FGFR2: variants seen among roughly 807,000 people sequenced by gnomAD.
FGFR2 encodes the protein BEK fibroblast growth factor receptor.
FGFR2 carries 19 observed loss-of-function variants against 95.9 expected under a neutral mutation model. The observed-to-expected ratio is 0.20, with a 90% CI of 0.14 to 0.29. The LOEUF (loss-of-function observed/expected upper bound fraction) is 0.29. FGFR2 is among the 10% of genes least tolerant of loss of function. The probability of loss-of-function intolerance (pLI) is 1.00; values close to 1 mark genes in which losing one functional copy is unlikely to be tolerated. For synonymous variants in FGFR2, 392 were observed against 393.3 expected (o/e 1.00, Z 0.04); for missense variants, 707 against 1,056.9 (o/e 0.67, Z 4.59).
intron 2 of FGFR2, among the ~76,000 whole-genome samples, chr10:121,585,075 T>C (rs1590096796): frequency 6.6e-6 from 1 of 152,188 alleles, no homozygotes; most frequent in East Asian, 1.9e-4. Flanking sequence ...AACAGAAAAC[T>C]CTTTTGCCAA....
intron 4 of FGFR2, among the ~76,000 whole-genome samples, chr10:121,557,735 T>C (rs1856356822): frequency 6.6e-6 from 1 of 152,158 alleles, no homozygotes; most frequent in South Asian, 2.1e-4. Flanking sequence ...TCAACACAAC[T>C]AAGAAGCCTG....
intron 2 of FGFR2, among the ~76,000 whole-genome samples, chr10:121,567,713 G>C (rs942523090): frequency 6.6e-6 from 1 of 152,224 alleles, no homozygotes; most frequent in East Asian, 1.9e-4. Context: ...GATGGCCCGC[G>C]GGCCAAGCCA....
Position 121,593,975 on chromosome 10 carries a change from A to G in FGFR2, c.-150-8T>C, listed in dbSNP as rs1863074668. 2.7e-6 allele frequency: 2 copies of G among 729,918 alleles called. No individual in the cohort carries two copies. Among genetic ancestry groups the G allele is most frequent in the East Asian group, 2.7e-5 (1 of 37,240 alleles). The allele number at this position is 729,918 out of a possible 1,614,324, so 45.2% of individuals were successfully genotyped here. A position where few individuals can be genotyped will look rare whatever the true frequency, so the allele number is the denominator to read the frequency against. On this transcript the variant is annotated splice_polypyrimidine_tract_variant and splice_region_variant and intron_variant, in intron 1 of 17. Transcript: ENST00000358487. ...CCGCTGCTGCTGCAGTCACTAAAGG[A>G]AAGAGATTGGCGAGTCAGGGAATCT... is the stretch of plus-strand genomic sequence containing the variant.
intron 10 of FGFR2, among the ~76,000 whole-genome samples, chr10:121,502,055 G>T (rs1381469683): frequency 6.6e-6 from 1 of 152,138 alleles, no homozygotes; most frequent in Non-Finnish European, 1.5e-5. Flanking sequence ...CACACTCAGG[G>T]TACCCCGGGT....
intron 13 of FGFR2, among the ~76,000 whole-genome samples, chr10:121,493,204 G>A (rs1036759285): frequency 2.0e-5 from 3 of 152,148 alleles, no homozygotes; most frequent in African/African-American, 4.8e-5. Context: ...CACGGTGCCT[G>A]GAAGATGGTT....
intron 16 of FGFR2, among the ~76,000 whole-genome samples, chr10:121,484,261 T>TA (rs897270568): frequency 9.9e-5 from 15 of 151,536 alleles, no homozygotes; most frequent in East Asian, 3.9e-4. Flanking sequence ...CTTCCTGAGT[T>TA]AAAAAAAAAT....
rs1405820428 is a variant in FGFR2 at position 121,593,702 on chromosome 10, G to A, written c.109+7C>T. 6.2e-7 allele frequency: 1 copy of A among 1,612,102 alleles called. No individual in the cohort carries two copies. Among genetic ancestry groups the A allele is most frequent in the Non-Finnish European group, 8.5e-7 (1 of 1,178,188 alleles). ...ACAAACCTGAAAAGTGAAATTAAAT[G>A]ACTTACCTTCTGGCTCTAATGTGGT... On this transcript the variant is annotated splice_region_variant and intron_variant, in intron 2 of 17. Transcript: ENST00000358487.
At position 121,484,758 on chromosome 10, in the gene FGFR2, T is replaced by C. The variant is rs527719467; in HGVS notation, c.2195+637A>G. Among the ~76,000 whole-genome samples the C allele has an allele frequency of 1.9e-4, 29 of 152,348 alleles. No homozygotes were observed. The South Asian group carries it at 5.4e-3, about 28-fold the overall frequency. On this transcript the variant is annotated intron_variant, in intron 16 of 17. Coordinates refer to ENST00000358487, the MANE Select transcript of FGFR2 (RefSeq NM_000141.5). ...ACCAGTTCATGGTTTTACAGGCAGA[T>C]CTGGTACAGTAAGGAGGGCGCCTGG... is the stretch of plus-strand genomic sequence containing the variant.
chr10:121,562,163 G>T (rs1345278785), intron 4 of FGFR2, among the ~76,000 whole-genome samples: 1 of 152,050 alleles, frequency 6.6e-6, no homozygotes, highest in Admixed American at 6.5e-5. Flanking sequence ...ACATAATCCA[G>T]CAATCACACT....
intron 4 of FGFR2, among the ~76,000 whole-genome samples, chr10:121,562,530 C>A (rs1296677290): frequency 6.6e-6 from 1 of 152,164 alleles, no homozygotes; most frequent in Non-Finnish European, 1.5e-5. Context: ...AAGTGATCCA[C>A]CCGCCTCGGC....
chr10:121,512,727 T>C (rs1849215279), intron 9 of FGFR2, among the ~76,000 whole-genome samples: 1 of 152,094 alleles, frequency 6.6e-6, no homozygotes, highest in South Asian at 2.1e-4. Context: ...GGCTGTGTCT[T>C]ACATGTAACC....
At chr10:121,494,654 C>T (rs543432219) in intron 13 of FGFR2, among the ~76,000 whole-genome samples, 1 of 152,148 alleles carries the variant, frequency 6.6e-6, no homozygotes, top group Non-Finnish European at 1.5e-5. Context: ...TTGCTTGTTA[C>T]ACCTACTCAA....
intron 6 of FGFR2, among the ~76,000 whole-genome samples, chr10:121,529,263 C>A (rs1392476028): frequency 6.6e-6 from 1 of 152,092 alleles, no homozygotes; most frequent in African/African-American, 2.4e-5. Flanking sequence ...CACACAACAC[C>A]ACGCCTGGCT....
At chr10:121,597,848 G>A in intron 1 of FGFR2, 114 bp downstream of exon 1, 1 of 373,358 alleles carries the variant, frequency 2.7e-6, no homozygotes. Context: ...CCTCCACAAT[G>A]CTAGTCCTTC....
chr10:121,519,897 C>CA, intron 7 of FGFR2, 82 bp downstream of exon 7: 1 of 1,366,838 alleles, frequency 7.3e-7, no homozygotes, highest in Non-Finnish European at 1.0e-6. Context: ...CTCTCAACTC[C>CA]AACAGGAAAT....
At chr10:121,491,680 C>T (rs1445938421) in intron 13 of FGFR2, among the ~76,000 whole-genome samples, 2 of 151,764 alleles carry the variant, frequency 1.3e-5, no homozygotes, top group South Asian at 4.2e-4. Context: ...ACCACCCTGG[C>T]TAACACAGCG....
At chr10:121,573,091 G>A (rs1417598928) in intron 2 of FGFR2, among the ~76,000 whole-genome samples, 1 of 152,160 alleles carries the variant, frequency 6.6e-6, no homozygotes, top group Non-Finnish European at 1.5e-5. Flanking sequence ...AACACTTTAC[G>A]TTGCCAAACC....
intron 9 of FGFR2, among the ~76,000 whole-genome samples, chr10:121,509,137 C>T (rs957212302): frequency 1.3e-5 from 2 of 152,276 alleles, no homozygotes; most frequent in East Asian, 1.9e-4. Context: ...CAATTCCTAC[C>T]TAGAAACTTC....
At chr10:121,534,529 G>A (rs990615217) in intron 6 of FGFR2, among the ~76,000 whole-genome samples, 2 of 151,874 alleles carry the variant, frequency 1.3e-5, no homozygotes, top group African/African-American at 4.8e-5. Context: ...CCGAGTAGCT[G>A]GGATTGCAGG....
Sources: allele counts gnomAD v4.1 joint callset (sites outside exome capture counted in the v4.1 genomes callset), GRCh38; gene constraint gnomAD v4.1.1; transcripts MANE v1.5; gene names NCBI Gene and HGNC (gene_info 2026-07-23, HGNC 2026-07-21).